Variants in RELB observed in about 807,000 individuals in gnomAD.
RELB encodes the protein transcription factor RelB.
Under a neutral mutation model 55.4 loss-of-function variants are expected in RELB, and 14 were observed. The ratio of observed to expected loss-of-function variants is 0.25; its 90% CI spans 0.17 to 0.40. The LOEUF is 0.40. Among genes scored for constraint, RELB ranks in the 10% least tolerant of loss-of-function variants. RELB has a pLI of 1.00. For missense variants in RELB, 669 were observed against 830.7 expected, an observed-to-expected ratio of 0.81 and a Z score of 2.39; for synonymous variants, 409 against 371.3, an observed-to-expected ratio of 1.10 and a Z score of -1.17.
chr19:45,030,944 G>A (rs950424767), intron 8 of RELB, among the ~76,000 whole-genome samples: 2 of 152,184 alleles, frequency 1.3e-5, no homozygotes, highest in Non-Finnish European at 2.9e-5. Context: ...CCTTGGACAA[G>A]TGACTTCACC....
At chr19:45,037,310 T>A in intron 11 of RELB, 95 bp from the exon 12 acceptor site, 4 of 1,253,328 alleles carry the variant, frequency 3.2e-6, no homozygotes, top group Non-Finnish European at 4.3e-6. Flanking sequence ...GCCACCTTGA[T>A]ATCACATTTT....
chr19:45,013,286 TCCA>T (rs976172384), intron 4 of RELB, among the ~76,000 whole-genome samples: 15 of 151,610 alleles, frequency 9.9e-5, no homozygotes, highest in African/African-American at 3.4e-4. Flanking sequence ...GGATTACAGG[TCCA>T]CCACCACGCC....
intron 1 of RELB, among the ~76,000 whole-genome samples, chr19:45,002,521 T>A (rs962335998): frequency 3.9e-5 from 6 of 151,958 alleles, no homozygotes; most frequent in African/African-American, 1.5e-4. Flanking sequence ...CCCGGCTAAT[T>A]TTTGTAGTTT....
rs1365396504 is a variant in RELB, at chr19:45,011,930, C to T, written c.164-6C>T. 10 of 1,505,100 alleles carry T rather than the reference C, an allele frequency of 6.6e-6. No individual in the cohort carries two copies. Among genetic ancestry groups the T allele is most frequent in the Admixed American group, 2.5e-5 (1 of 40,684 alleles). The allele number at this position is 1,505,100 out of a possible 1,614,324, so 93.2% of individuals were successfully genotyped here. On this transcript the variant is annotated splice_polypyrimidine_tract_variant and splice_region_variant and intron_variant, in intron 3 of 11. Transcript: ENST00000221452. ...GCGTCACCACCCGTTTTTTCTTCTC[C>T]CGCAGAGATCATCGACGAGTACATC...
intron 2 of RELB, 81 bp downstream of exon 2, chr19:45,003,077 G>A (rs1231260158): frequency 6.5e-6 from 9 of 1,392,394 alleles, no homozygotes; most frequent in Non-Finnish European, 7.9e-6. Flanking sequence ...TCTCTGTTTG[G>A]GGGTTCACGA....
chr19:45,025,167 G>C (rs1211453343), intron 5 of RELB, among the ~76,000 whole-genome samples, 162 bp from the exon 6 acceptor site: 1 of 151,862 alleles, frequency 6.6e-6, no homozygotes, highest in Non-Finnish European at 1.5e-5. Context: ...CTTCTGAGAG[G>C]TTTAAACCCC....
At chr19:45,025,551 C>A (rs1331955544) in intron 6 of RELB, 55 bp from the exon 7 acceptor site, 4 of 1,608,874 alleles carry the variant, frequency 2.5e-6, no homozygotes, top group Non-Finnish European at 3.4e-6. Flanking sequence ...TTCCCCTGTA[C>A]CCCAGAGAGG....
intron 4 of RELB, among the ~76,000 whole-genome samples, chr19:45,020,534 C>G (rs925278988): frequency 6.6e-6 from 1 of 150,794 alleles, no homozygotes; most frequent in East Asian, 2.0e-4. Flanking sequence ...TGTCTTTTAA[C>G]CCCAAATGTG....
At position 45,037,400 on chromosome 19, in the gene RELB, C is replaced by T. The variant is rs769970180; in HGVS notation, c.1355-5C>T. 2.1e-5 allele frequency: 33 copies of T among 1,559,742 alleles called. No individual in the cohort carries two copies. The highest frequency in any genetic ancestry group is 2.7e-5 in the African/African-American group (2 of 73,538). ...ACTACACTTCTCTTGTCTTCATCCC[C>T]GTAGGCCCGTTCCTCCCGCCGTCAG... On this transcript the variant is annotated splice_region_variant and splice_polypyrimidine_tract_variant and intron_variant, in intron 11 of 11. Transcript: ENST00000221452.
chr19:45,023,501 G>A (rs965530134), intron 5 of RELB, among the ~76,000 whole-genome samples: 1 of 151,262 alleles, frequency 6.6e-6, no homozygotes, highest in Non-Finnish European at 1.5e-5. Flanking sequence ...GCAGTGGCGC[G>A]ATCTCGGCTC....
intron 3 of RELB, among the ~76,000 whole-genome samples, chr19:45,011,239 T>G (rs961497550): frequency 1.3e-5 from 2 of 152,088 alleles, no homozygotes; most frequent in Non-Finnish European, 2.9e-5. Context: ...CTCGGCTCAC[T>G]GCAACCTCCG....
intron 8 of RELB, among the ~76,000 whole-genome samples, chr19:45,029,732 C>T (rs997272605): frequency 6.6e-6 from 1 of 152,010 alleles, no homozygotes; most frequent in East Asian, 1.9e-4. Context: ...CACCTGTAAT[C>T]CCAGCTACTC....
At position 45,005,613 on chromosome 19, in the gene RELB, C is replaced by CT. The variant is rs201752427; in HGVS notation, c.154+2625dup. On this transcript the variant is annotated intron_variant, in intron 2 of 11. Coordinates refer to ENST00000221452, the MANE Select transcript of RELB (RefSeq NM_006509.4). ...GCGCAGGAACAAGGCTGAGACTTTT[C>CT]TTTTTTTTGAGACAGAGTCTCGCTC... Among the ~76,000 whole-genome samples, 474 of 152,004 alleles carry CT rather than the reference C, an allele frequency of 3.1e-3. 8 individuals are homozygous for CT. The highest frequency in any genetic ancestry group is 0.022 in the Admixed American group (343 of 15,248).
chr19:45,004,764 G>C (rs1971262731), intron 2 of RELB, among the ~76,000 whole-genome samples: 1 of 152,034 alleles, frequency 6.6e-6, no homozygotes, highest in African/African-American at 2.4e-5. Context: ...ATATTCAGGA[G>C]GCTGAGGCAG....
chr19:45,003,906 G>GTTTT lies in RELB; in HGVS notation c.154+913_154+916dup, dbSNP rs1568395564. ...GTGTGTGTGTGGGTTTTTTTTGTCT[G>GTTTT]TTTTTTGTGTTTTTTTTTTTTTTTT... is the stretch of plus-strand genomic sequence containing the variant. On this transcript the variant is annotated intron_variant, in intron 2 of 11. Transcript: ENST00000221452. 9.6e-4 allele frequency among the ~76,000 whole-genome samples: 60 copies of GTTTT among 62,524 alleles called. 1 individual carries two copies. The highest frequency in any genetic ancestry group is 3.0e-3 in the African/African-American group (56 of 18,402). 41.0% of individuals were successfully genotyped at this position (62,524 alleles called of 152,430 possible). A position where few individuals can be genotyped will look rare whatever the true frequency, so the allele number is the denominator to read the frequency against.
At chr19:45,021,962 G>C in intron 4 of RELB, 91 bp from the exon 5 acceptor site, 1 of 1,301,206 alleles carries the variant, frequency 7.7e-7, no homozygotes, top group Non-Finnish European at 1.1e-6. Context: ...GTGGGGAGAG[G>C]ATTGGGGAGC....
chr19:45,022,071 C>T lies in RELB; in HGVS notation c.523C>T (p.Leu175=). The change falls in exon 5 of 12, where the codon CTG becomes TTG. Residue 175 remains leucine (L), a synonymous_variant. Transcript: ENST00000221452. ...PAIELRDCGG[L]REVEVTACLV... is the part of the protein sequence containing the mutation. The stretch of plus-strand genomic sequence containing the variant: ...CCTGCAGCTCCGGGATTGTGGAGGG[C>T]TGCGGGAGGTGGAGGTGACTGCCTG... 6.2e-7 allele frequency: 1 copy of T among 1,611,802 alleles called. No individual in the cohort carries two copies. Among genetic ancestry groups the T allele is most frequent in the Non-Finnish European group, 8.5e-7 (1 of 1,178,902 alleles).
chr19:45,008,080 G>C (rs1293968511), intron 2 of RELB, among the ~76,000 whole-genome samples: 2 of 148,850 alleles, frequency 1.3e-5, no homozygotes, highest in African/African-American at 5.0e-5. Context: ...TGAGACAGGA[G>C]AATCACTTGA....
chr19:45,002,514 G>A lies in RELB; in HGVS notation c.107-435G>A, dbSNP rs753967928. Among the ~76,000 whole-genome samples, 7 of 152,080 alleles carry A rather than the reference G, an allele frequency of 4.6e-5. No homozygotes were observed. The South Asian group carries it at 8.3e-4, about 18-fold the overall frequency. ...ATTACAGGTGCCCGCCACCACACCCGGCTAATTTTTGTAGTTTTACTAGAG... is the reference window on the plus strand; with the variant it reads ...ATTACAGGTGCCCGCCACCACACCCAGCTAATTTTTGTAGTTTTACTAGAG... On this transcript the variant is annotated intron_variant, in intron 1 of 11. Transcript: ENST00000221452.
Sources: allele counts gnomAD v4.1 joint callset (sites outside exome capture counted in the v4.1 genomes callset), GRCh38; gene constraint gnomAD v4.1.1; transcripts MANE v1.5; gene names NCBI Gene and HGNC (gene_info 2026-07-23, HGNC 2026-07-21).